PSEN2: variants seen among roughly 807,000 people sequenced by gnomAD.
PSEN2 encodes presenilin-2.
In PSEN2, 32 loss-of-function variants were observed where a neutral mutation model predicts 49.1. That is an observed-to-expected ratio of 0.65 (90% CI 0.49 to 0.88). The LOEUF is 0.88. PSEN2 is among the 40% of genes least tolerant of loss of function. The probability of loss-of-function intolerance (pLI) is 0.00; values close to 1 mark genes in which losing one functional copy is unlikely to be tolerated. For synonymous variants in PSEN2, 255 were observed against 244.0 expected (o/e 1.05, Z -0.42); for missense variants, 522 against 586.9 (o/e 0.89, Z 1.14).
At chr1:226,898,305 AT>A (rs1204120478), downstream of PSEN2, 12 of 152,186 alleles carry the variant, frequency 7.9e-5, no homozygotes, top group African/African-American at 2.7e-4. Flanking sequence ...TCTACTGTTT[AT>A]ATGCTATTGA....
chr1:226,876,695 G>C (rs369697148), intron 3 of PSEN2, among the ~76,000 whole-genome samples: 1 of 152,010 alleles, frequency 6.6e-6, no homozygotes, highest in Admixed American at 6.5e-5. Context: ...TTTTATGTTC[G>C]GTTAAATTTA....
Position 226,895,746 on chromosome 1 carries a change from T to A in PSEN2, c.*167T>A. Reference sequence around the variant, plus strand: ...GCAGAACCAGCTCTTTGGTGCCAGCTGTTTCATCACCAGACTTTGGCTCCC... The same window carrying A: ...GCAGAACCAGCTCTTTGGTGCCAGCAGTTTCATCACCAGACTTTGGCTCCC... On this transcript the variant is annotated 3_prime_UTR_variant, in exon 13 of 13. Transcript: ENST00000366783. 1.2e-6 allele frequency: 1 copy of A among 831,582 alleles called. No individual in the cohort carries two copies. Among genetic ancestry groups the A allele is most frequent in the Admixed American group, 2.5e-5 (1 of 39,476 alleles). 51.5% of individuals were successfully genotyped at this position (831,582 alleles called of 1,614,324 possible). A position where few individuals can be genotyped will look rare whatever the true frequency, so the allele number is the denominator to read the frequency against.
At chr1:226,902,033 G>A (rs1359091565) in intron 12 of PSEN2, among the ~76,000 whole-genome samples, 2 of 152,158 alleles carry the variant, frequency 1.3e-5, no homozygotes, top group Non-Finnish European at 2.9e-5. Flanking sequence ...GAGAGAGGAG[G>A]ATGTGACTTA....
chr1:226,891,599 A>G, intron 10 of PSEN2, 144 bp from the exon 11 acceptor site: 8 of 821,272 alleles, frequency 9.7e-6, no homozygotes, highest in Middle Eastern at 2.3e-4. Flanking sequence ...GAGTGGGGGA[A>G]GCCCTGGTGT....
At chr1:226,881,134 G>A (rs1012554514) in intron 3 of PSEN2, among the ~76,000 whole-genome samples, 6 of 152,224 alleles carry the variant, frequency 3.9e-5, no homozygotes, top group Middle Eastern at 6.8e-3. Flanking sequence ...GCTGTCCTCA[G>A]CTCTCCTCAC....
intron 2 of PSEN2, among the ~76,000 whole-genome samples, chr1:226,874,380 C>T (rs1481328027): frequency 6.6e-6 from 1 of 152,228 alleles, no homozygotes. Context: ...CTTCAGTTGT[C>T]CTTAATTATA....
chr1:226,897,781 T>C (rs1255217050), downstream of PSEN2: 1 of 155,526 alleles, frequency 6.4e-6, no homozygotes, highest in East Asian at 1.9e-4. Context: ...CCCAGTCCTG[T>C]TGCCTCCGCC....
intron 3 of PSEN2, chr1:226,880,739 C>T (rs1660934084): frequency 6.2e-7 from 1 of 1,610,630 alleles, no homozygotes; most frequent in African/African-American, 1.3e-5. Flanking sequence ...ACTGGGTCCC[C>T]CACTTGGTAC....
At chr1:226,889,722 G>A (rs1661611750) in intron 8 of PSEN2, among the ~76,000 whole-genome samples, 2 of 152,240 alleles carry the variant, frequency 1.3e-5, no homozygotes. Context: ...ATATTAGCAT[G>A]ATTATCATTG....
At chr1:226,884,999 A>T (rs1280312869) in intron 5 of PSEN2, among the ~76,000 whole-genome samples, 1 of 152,150 alleles carries the variant, frequency 6.6e-6, no homozygotes, top group African/African-American at 2.4e-5. Flanking sequence ...GAACAGGTGA[A>T]AGCATGGAGA....
intron 6 of PSEN2, among the ~76,000 whole-genome samples, chr1:226,886,545 G>A (rs1661375965): frequency 1.3e-5 from 2 of 152,236 alleles, no homozygotes; most frequent in African/African-American, 4.8e-5. Context: ...CCAGGTAAGG[G>A]GTTGAACCCC....
intron 5 of PSEN2, among the ~76,000 whole-genome samples, chr1:226,884,462 TAG>T (rs1274609622): frequency 6.6e-6 from 1 of 152,094 alleles, no homozygotes; most frequent in Non-Finnish European, 1.5e-5. Flanking sequence ...GGCAGCAGCG[TAG>T]AAAAATGAGA....
At chr1:226,877,310 C>T (rs1221686080) in intron 3 of PSEN2, among the ~76,000 whole-genome samples, 1 of 152,198 alleles carries the variant, frequency 6.6e-6, no homozygotes, top group Non-Finnish European at 1.5e-5. Context: ...AGAGTCCAGA[C>T]ACACTACCTA....
intron 6 of PSEN2, among the ~76,000 whole-genome samples, chr1:226,886,957 A>G (rs1331941217): frequency 6.6e-6 from 1 of 152,176 alleles, no homozygotes; most frequent in Non-Finnish European, 1.5e-5. Context: ...TAAAATAAGT[A>G]ACAATTACCT....
intron 5 of PSEN2, chr1:226,884,640 G>A (rs1321188146): frequency 6.6e-6 from 1 of 151,694 alleles, no homozygotes; most frequent in African/African-American, 2.4e-5. Context: ...AAGGCCAGGT[G>A]TGGTGTCTCA....
chr1:226,889,526 C>T (rs1054319828), intron 8 of PSEN2, among the ~76,000 whole-genome samples: 2 of 152,220 alleles, frequency 1.3e-5, no homozygotes, highest in African/African-American at 4.8e-5. Context: ...CGGCCCGCCT[C>T]AGCCTCCCAA....
intron 11 of PSEN2, among the ~76,000 whole-genome samples, chr1:226,892,964 G>A (rs147612731): frequency 1.9e-4 from 29 of 152,162 alleles, no homozygotes; most frequent in African/African-American, 6.3e-4. Flanking sequence ...ACAGGGTCTC[G>A]CTCTGTTGCC....
downstream of PSEN2, among the ~76,000 whole-genome samples, chr1:226,899,732 G>A (rs1662251750): frequency 6.6e-6 from 1 of 152,146 alleles, no homozygotes; most frequent in African/African-American, 2.4e-5. Context: ...ATAGTGCATG[G>A]TATCAGGGGT....
At chr1:226,880,812 C>G in intron 3 of PSEN2, 1 of 1,589,474 alleles carries the variant, frequency 6.3e-7, no homozygotes. Context: ...TCCCCTTGGC[C>G]TTGGCCTTCC....
Sources: gnomAD v4.1 joint callset for allele counts (sites outside exome capture counted in the v4.1 genomes callset) on GRCh38, gnomAD v4.1.1 for gene constraint, MANE v1.5 for transcripts, NCBI Gene and HGNC (gene_info 2026-07-23, HGNC 2026-07-21) for gene names.